Variants in GRID2 observed in about 807,000 individuals in gnomAD.
GRID2 encodes glutamate ionotropic receptor delta type subunit 2.
GRID2 carries 33 observed loss-of-function variants against 114.8 expected under a neutral mutation model. The observed-to-expected ratio is 0.29, with a 90% CI of 0.22 to 0.38. The LOEUF (loss-of-function observed/expected upper bound fraction) is 0.38. Ranked by LOEUF, GRID2 falls within the 10% of genes least tolerant of loss-of-function variation. The pLI is 1.00. For synonymous variants in GRID2, 505 were observed against 449.9 expected, an observed-to-expected ratio of 1.12 and a Z score of -1.55; for missense variants, 1,184 against 1,257.7, an observed-to-expected ratio of 0.94 and a Z score of 0.89.
intron 13 of GRID2, among the ~76,000 whole-genome samples, chr4:93,578,795 A>G (rs1432127426): frequency 2.0e-5 from 3 of 151,930 alleles, no homozygotes; most frequent in Non-Finnish European, 4.4e-5. Flanking sequence ...GGGTTTCACC[A>G]TGTTAGTCAG....
In GRID2 at chr4:93,300,925, G is replaced by A. The variant is rs534343725; in HGVS notation, c.1245+62435G>A. 1.4e-4 allele frequency among the ~76,000 whole-genome samples: 22 copies of A among 152,286 alleles called. 1 individual carries two copies. The South Asian group carries it at 4.1e-3, about 29-fold the overall frequency. Reference sequence around the variant, plus strand: ...AGAACAGGGCAGGGAGTTTCACAGTGTTCTTCTACACAATGTCTGGAATCT... The same window carrying A: ...AGAACAGGGCAGGGAGTTTCACAGTATTCTTCTACACAATGTCTGGAATCT... On this transcript the variant is annotated intron_variant, in intron 8 of 15. Transcript: ENST00000282020.
At chr4:92,633,028 C>T (rs1014172167) in intron 2 of GRID2, among the ~76,000 whole-genome samples, 8 of 152,090 alleles carry the variant, frequency 5.3e-5, no homozygotes, top group African/African-American at 1.7e-4. Context: ...CACCAAATCC[C>T]CTACATAAGT....
At chr4:92,697,714 G>C (rs2149298525) in intron 2 of GRID2, among the ~76,000 whole-genome samples, 1 of 152,248 alleles carries the variant, frequency 6.6e-6, no homozygotes, top group South Asian at 2.1e-4. Context: ...TAGAAAAAAA[G>C]ACTAAGTAAA....
chr4:93,702,318 T>C (rs1181760880), intron 14 of GRID2, among the ~76,000 whole-genome samples: 1 of 152,180 alleles, frequency 6.6e-6, no homozygotes, highest in East Asian at 1.9e-4. Context: ...TGGATATCTG[T>C]TTGCAAATTG....
intron 13 of GRID2, among the ~76,000 whole-genome samples, chr4:93,606,354 A>C (rs1256940751): frequency 6.6e-6 from 1 of 152,182 alleles, no homozygotes; most frequent in Non-Finnish European, 1.5e-5. Context: ...AATATCTAAG[A>C]ACCAAGGGCA....
intron 8 of GRID2, among the ~76,000 whole-genome samples, chr4:93,329,443 C>T (rs1392201085): frequency 6.6e-6 from 1 of 151,982 alleles, no homozygotes; most frequent in Admixed American, 6.6e-5. Flanking sequence ...GTCTAAGATT[C>T]TTCTTTAGAT....
At chr4:92,902,567 T>A (rs1381349906) in intron 2 of GRID2, among the ~76,000 whole-genome samples, 1 of 152,086 alleles carries the variant, frequency 6.6e-6, no homozygotes, top group Non-Finnish European at 1.5e-5. Context: ...ATTCTTTGCC[T>A]AGGCCAATGA....
At chr4:93,021,459 A>C (rs1392483292) in intron 2 of GRID2, among the ~76,000 whole-genome samples, 1 of 149,168 alleles carries the variant, frequency 6.7e-6, no homozygotes, top group Non-Finnish European at 1.5e-5. Context: ...AAAATTATTA[A>C]AGGACTCAGA....
chr4:93,438,106 C>T (rs1481734017), intron 10 of GRID2, among the ~76,000 whole-genome samples: 1 of 152,052 alleles, frequency 6.6e-6, no homozygotes, highest in Non-Finnish European at 1.5e-5. Flanking sequence ...TTTATCTGCA[C>T]ATGTTTTTGA....
chr4:93,338,975 G>C (rs889583095), intron 8 of GRID2, among the ~76,000 whole-genome samples: 1 of 152,050 alleles, frequency 6.6e-6, no homozygotes, highest in Admixed American at 6.6e-5. Context: ...TGACTTTCTT[G>C]AATCACTTGC....
rs577985847 is a variant in GRID2, at chr4:93,143,153, A to C, written c.735+32200A>C. Among the ~76,000 whole-genome samples the C allele has an allele frequency of 2.6e-5, 4 of 152,332 alleles. No homozygotes were observed. The East Asian group carries it at 7.7e-4, about 29-fold the overall frequency. ...TATCTAAGAAAATATTAGCTGAATTAATTCTATATATTTTCTTATCAGATT... is the reference window on the plus strand; with the variant it reads ...TATCTAAGAAAATATTAGCTGAATTCATTCTATATATTTTCTTATCAGATT... On this transcript the variant is annotated intron_variant, in intron 4 of 15. Transcript: ENST00000282020.
chr4:92,935,487 G>T (rs1269941541), intron 2 of GRID2, among the ~76,000 whole-genome samples: 4 of 146,342 alleles, frequency 2.7e-5, no homozygotes, highest in African/African-American at 4.9e-5. Flanking sequence ...CGCTTCCTCA[G>T]GGATCTAGAA....
In GRID2 at chr4:93,004,775, A is replaced by G. The variant is rs192548576; in HGVS notation, c.245-80220A>G. Among the ~76,000 whole-genome samples, 13 of 152,136 alleles carry G rather than the reference A, an allele frequency of 8.5e-5. No homozygotes were observed. The South Asian group carries it at 1.5e-3, about 17-fold the overall frequency. ...ACTCTAGTCCACTGAAATTGTACTT[A>G]TCAAGGTTGCTAATAATCTCCATTG... On this transcript the variant is annotated intron_variant, in intron 2 of 15. Transcript: ENST00000282020.
At chr4:93,670,214 C>A (rs578184654) in intron 14 of GRID2, among the ~76,000 whole-genome samples, 36 of 152,188 alleles carry the variant, frequency 2.4e-4, no homozygotes, top group African/African-American at 7.5e-4. Context: ...TTTTTTACAT[C>A]TTTTCATTCA....
chr4:93,422,929 T>C lies in GRID2; in HGVS notation c.1506T>C (p.Asp502=), dbSNP rs544383531. 1.2e-5 allele frequency: 20 copies of C among 1,613,702 alleles called. 1 individual carries two copies. The South Asian group carries it at 2.1e-4, about 17-fold the overall frequency. Residue 502 remains aspartate (D), a synonymous_variant, in exon 10 of 16, where the codon GAT becomes GAC. Coordinates refer to ENST00000282020, the MANE Select transcript of GRID2 (RefSeq NM_001510.4). ...PDHKYGSPQE[D]GTWNGLVGEL... ...ACAAATACGGAAGCCCACAAGAAGA[T>C]GGGACATGGAATGGCTTGGTAGGAG...
intron 1 of GRID2, among the ~76,000 whole-genome samples, chr4:92,407,526 T>C (rs994032621): frequency 6.6e-6 from 1 of 152,184 alleles, no homozygotes; most frequent in Non-Finnish European, 1.5e-5. Context: ...TCACAGTGGT[T>C]GAATTAGTTT....
intron 2 of GRID2, among the ~76,000 whole-genome samples, chr4:92,807,616 C>T (rs1487573581): frequency 6.6e-6 from 1 of 151,926 alleles, no homozygotes; most frequent in Non-Finnish European, 1.5e-5. Context: ...TGACATGAGA[C>T]ATTGGCCAAT....
intron 1 of GRID2, among the ~76,000 whole-genome samples, chr4:92,457,610 T>C (rs1400979004): frequency 6.6e-6 from 1 of 152,168 alleles, no homozygotes; most frequent in Non-Finnish European, 1.5e-5. Context: ...TTATAATTTA[T>C]TTAAAGTTGC....
At chr4:93,580,775 T>A (rs1260872796) in intron 13 of GRID2, among the ~76,000 whole-genome samples, 2 of 151,228 alleles carry the variant, frequency 1.3e-5, no homozygotes, top group Non-Finnish European at 2.9e-5. Context: ...TTTTTTTTGG[T>A]ATTGGTAAGC....
Sources: allele counts gnomAD v4.1 joint callset (sites outside exome capture counted in the v4.1 genomes callset), GRCh38; gene constraint gnomAD v4.1.1; transcripts MANE v1.5; gene names NCBI Gene and HGNC (gene_info 2026-07-23, HGNC 2026-07-21).